Variants in RSAD2 observed in about 807,000 individuals in gnomAD.
RSAD2 encodes radical S-adenosyl methionine domain containing 2.
Under a neutral mutation model 37.7 loss-of-function variants are expected in RSAD2, and 38 were observed. That is an observed-to-expected ratio of 1.01 (90% CI 0.78 to 1.32). RSAD2 has a LOEUF of 1.32. RSAD2 is among the 40% of genes most tolerant of loss of function. The pLI is 0.00. For missense variants in RSAD2, 428 were observed against 437.5 expected, an observed-to-expected ratio of 0.98 and a Z score of 0.19; for synonymous variants, 163 against 157.4, an observed-to-expected ratio of 1.04 and a Z score of -0.27.
At chr2:6,877,182 G>A (rs1314346648), upstream of RSAD2, 1 of 152,232 alleles carries the variant, frequency 6.6e-6, no homozygotes, top group Non-Finnish European at 1.5e-5. Flanking sequence ...ATAGGAAGAT[G>A]TAAATATCTA....
chr2:6,889,650 A>G (rs978407349), intron 3 of RSAD2, among the ~76,000 whole-genome samples: 3 of 152,218 alleles, frequency 2.0e-5, no homozygotes, highest in African/African-American at 7.2e-5. Context: ...TATGTATAGA[A>G]TAATACACTG....
At chr2:6,865,973 C>A in exon 1 of RSAD2, 1 of 967,376 alleles carries the variant, frequency 1.0e-6, no homozygotes, top group Non-Finnish European at 1.4e-6. Flanking sequence ...CGCGGCTCCG[C>A]GGGCCTGCGC....
intron 1 of RSAD2, among the ~76,000 whole-genome samples, chr2:6,881,546 C>T (rs1025724908): frequency 2.6e-5 from 4 of 152,212 alleles, no homozygotes; most frequent in African/African-American, 9.6e-5. Flanking sequence ...AATTCCTTCC[C>T]CATGGGTTAT....
intron 4 of RSAD2, among the ~76,000 whole-genome samples, chr2:6,891,151 CAAA>C (rs1356287371): frequency 6.7e-6 from 1 of 149,260 alleles, no homozygotes; most frequent in Non-Finnish European, 1.5e-5. Flanking sequence ...CTATGAACAC[CAAA>C]AAAAGCAAAA....
chr2:6,878,000 C>G lies in RSAD2; in HGVS notation c.200C>G (p.Pro67Arg). The G allele has an allele frequency of 6.2e-7, 1 of 1,614,188 alleles. No homozygotes were observed. The highest frequency in any genetic ancestry group is 1.3e-5 in the African/African-American group (1 of 75,058). Residue 67 changes from proline to arginine, a missense_variant, in exon 1 of 6, where the codon CCT becomes CGT. By Grantham distance (103) the Pro-to-Arg change is moderately radical. Coordinates refer to ENST00000382040, the MANE Select transcript of RSAD2 (RefSeq NM_080657.5). ...DETKEEEEDP[P>R]LPTTPTSVNY... ...ACCAAAGAGGAGGAAGAGGACCCTCCTCTGCCCACCACCCCAACCAGCGTC... is the reference window on the plus strand; with the variant it reads ...ACCAAAGAGGAGGAAGAGGACCCTCGTCTGCCCACCACCCCAACCAGCGTC...
chr2:6,881,251 C>T (rs1663393169), intron 1 of RSAD2, among the ~76,000 whole-genome samples: 1 of 152,178 alleles, frequency 6.6e-6, no homozygotes, highest in African/African-American at 2.4e-5. Context: ...AACTGCCTCC[C>T]AGCATGATGG....
intron 1 of RSAD2, chr2:6,878,976 C>T: frequency 1.8e-6 from 1 of 551,392 alleles, no homozygotes; most frequent in Non-Finnish European, 3.2e-6. Flanking sequence ...GGTAAATAGC[C>T]TGCAGATTCA....
chr2:6,883,466 C>T lies in RSAD2; in HGVS notation c.442C>T (p.Arg148Trp), dbSNP rs751555584. Residue 148 changes from arginine to tryptophan, a missense_variant, in exon 2 of 6, where the codon CGG becomes TGG. By Grantham distance (101) the Arg-to-Trp change is moderately radical (BLOSUM62 -3). Coordinates refer to ENST00000382040, the MANE Select transcript of RSAD2 (RefSeq NM_080657.5). ...KLVRFCKVELRLPSVSIVSNG... is the reference protein window; with the variant it reads ...KLVRFCKVELWLPSVSIVSNG... ...GGTGAGGTTCTGCAAAGTAGAGTTGCGGCTGCCCAGCGTGAGCATCGTGAG... is the reference window on the plus strand; with the variant it reads ...GGTGAGGTTCTGCAAAGTAGAGTTGTGGCTGCCCAGCGTGAGCATCGTGAG... The T allele has an allele frequency of 2.0e-5, 32 of 1,614,002 alleles. No individual in the cohort carries two copies. The highest frequency in any genetic ancestry group is 5.0e-5 in the Admixed American group (3 of 59,998).
upstream of RSAD2, among the ~76,000 whole-genome samples, chr2:6,873,080 C>A (rs1663227325): frequency 6.6e-6 from 1 of 152,130 alleles, no homozygotes; most frequent in Non-Finnish European, 1.5e-5. Flanking sequence ...CAATGATAAC[C>A]ATCTCCTTCA....
Position 6,883,417 on chromosome 2 carries a change from C to T in RSAD2, c.393C>T (p.Asp131=), listed in dbSNP as rs966404524. 7 of 1,613,950 alleles carry T rather than the reference C, an allele frequency of 4.3e-6. No homozygotes were observed. The African/African-American group carries it at 8.0e-5, about 18-fold the overall frequency. Residue 131 remains aspartate (D), a synonymous_variant, in exon 2 of 6, where the codon GAC becomes GAT. Transcript: ENST00000382040. ...NFSGGEPFLQ[D]RGEYLGKLVR... is the part of the protein sequence containing the mutation. Reference sequence around the variant, plus strand: ...CAGGTGGAGAGCCATTTCTTCAAGACCGGGGAGAATACCTGGGCAAGTTGG... The same window carrying T: ...CAGGTGGAGAGCCATTTCTTCAAGATCGGGGAGAATACCTGGGCAAGTTGG...
At chr2:6,883,801 A>G (rs1043420712) in intron 2 of RSAD2, 22 of 393,782 alleles carry the variant, frequency 5.6e-5, no homozygotes, top group Admixed American at 1.7e-4. Flanking sequence ...TTTAGCAAAT[A>G]CAAGATCTAT....
chr2:6,893,465 G>T (rs2103249236), intron 4 of RSAD2, among the ~76,000 whole-genome samples: 1 of 152,286 alleles, frequency 6.6e-6, no homozygotes, highest in South Asian at 2.1e-4. Context: ...GCAAAGAGCA[G>T]AGAATCCAGG....
chr2:6,870,440 T>C (rs1176407497), intron 1 of RSAD2, among the ~76,000 whole-genome samples: 2 of 152,176 alleles, frequency 1.3e-5, no homozygotes, highest in South Asian at 2.1e-4. Context: ...TTTGGGACCA[T>C]GAGGTGGGGG....
rs750815241 is a variant in RSAD2 at position 6,878,113 on chromosome 2, G to A, written c.313G>A (p.Ala105Thr). The A allele has an allele frequency of 6.2e-7, 1 of 1,614,124 alleles. No homozygotes were observed. The highest frequency in any genetic ancestry group is 1.7e-5 in the Admixed American group (1 of 60,006). The stretch of plus-strand genomic sequence containing the variant: ...ATCCTTTGTGCTGCCCCTTGAGGAA[G>A]CAAAGAGAGGATTGCTTTTGCTTAA... The part of the protein sequence containing the change: ...KTSFVLPLEE[A>T]KRGLLLLKEA... The change falls in exon 1 of 6, where the codon GCA (alanine) becomes ACA (threonine). Residue 105 changes from alanine to threonine, a missense_variant. Coordinates refer to ENST00000382040, the MANE Select transcript of RSAD2 (RefSeq NM_080657.5).
chr2:6,868,500 A>C (rs773267141), intron 1 of RSAD2, among the ~76,000 whole-genome samples: 1 of 152,230 alleles, frequency 6.6e-6, no homozygotes, highest in Non-Finnish European at 1.5e-5. Context: ...AATTAATAAA[A>C]TGAGCCCAGG....
chr2:6,890,162 C>A lies in RSAD2; in HGVS notation c.739-14C>A. 1 of 1,613,310 alleles carries A rather than the reference C, an allele frequency of 6.2e-7. No homozygotes were observed. Among genetic ancestry groups the A allele is most frequent in the Non-Finnish European group, 8.5e-7 (1 of 1,179,458 alleles). ...AAAGCTCTCTGCAAAGCAAACACTA[C>A]CATTGCCTTTCAGGTGTTCCAGTGC... On this transcript the variant is annotated splice_polypyrimidine_tract_variant and intron_variant, in intron 3 of 5. Transcript: ENST00000382040.
intron 1 of RSAD2, among the ~76,000 whole-genome samples, chr2:6,882,645 T>C (rs777107623): frequency 2.6e-5 from 4 of 152,166 alleles, no homozygotes; most frequent in African/African-American, 4.8e-5. Context: ...TGATTTGAGA[T>C]TGAGGCCTTC....
chr2:6,869,970 T>C lies in RSAD2; in HGVS notation c.142+3925T>C, dbSNP rs370858091. 6.6e-5 allele frequency among the ~76,000 whole-genome samples: 10 copies of C among 152,332 alleles called. No homozygotes were observed. In the East Asian group the frequency reaches 1.2e-3, roughly 18 times the overall value. Reference sequence around the variant, plus strand: ...GTCAACCAATCAAAACACAATGGGATTGATTCATCAGAGCTCAGTTGTATA... The same window carrying C: ...GTCAACCAATCAAAACACAATGGGACTGATTCATCAGAGCTCAGTTGTATA... On this transcript the variant is annotated intron_variant, in intron 1 of 5. Transcript: ENST00000442639.
At chr2:6,883,254 G>T in intron 1 of RSAD2, 117 bp from the exon 2 acceptor site, 1 of 1,141,894 alleles carries the variant, frequency 8.8e-7, no homozygotes, top group Non-Finnish European at 1.2e-6. Context: ...GTTAGGGGAG[G>T]GGAAATTAAT....
Sources: allele counts gnomAD v4.1 joint callset (sites outside exome capture counted in the v4.1 genomes callset), GRCh38; gene constraint gnomAD v4.1.1; transcripts MANE v1.5; gene names NCBI Gene and HGNC (gene_info 2026-07-23, HGNC 2026-07-21).